Variants in RAP1B observed in about 807,000 individuals in gnomAD.
RAP1B encodes the protein RAP1B, member of RAS oncogene family.
Under a neutral mutation model 27.5 loss-of-function variants are expected in RAP1B, and 1 was observed. The observed-to-expected ratio is 0.04, with a 90% confidence interval of 0.01 to 0.17. The LOEUF is 0.17. Ranked by LOEUF, RAP1B falls within the 10% of genes least tolerant of loss-of-function variation. The pLI, the probability that RAP1B is intolerant of heterozygous loss-of-function variation, is 1.00. For missense variants in RAP1B, 84 were observed against 214.8 expected (o/e 0.39, Z 3.81); for synonymous variants, 75 against 73.1 (o/e 1.03, Z -0.13).
At chr12:68,622,177 A>G (rs941197652) in intron 1 of RAP1B, among the ~76,000 whole-genome samples, 5 of 152,180 alleles carry the variant, frequency 3.3e-5, no homozygotes, top group Admixed American at 3.3e-4. Flanking sequence ...AGAAAGTTGG[A>G]CTAAATGGCT....
At chr12:68,614,260 C>G (rs1410662006) in intron 1 of RAP1B, among the ~76,000 whole-genome samples, 2 of 152,158 alleles carry the variant, frequency 1.3e-5, no homozygotes, top group Non-Finnish European at 2.9e-5. Context: ...ACCGATTTTA[C>G]AAGGTGTCCA....
At chr12:68,650,619 G>GTT in intron 3 of RAP1B, 151 bp downstream of exon 3, 13 of 710,904 alleles carry the variant, frequency 1.8e-5, no homozygotes, top group Non-Finnish European at 2.6e-5. Flanking sequence ...GCATTGCATA[G>GTT]TTACCAGTTT....
intron 6 of RAP1B, 144 bp from the exon 7 acceptor site, chr12:68,656,957 A>G: frequency 2.8e-6 from 2 of 722,926 alleles, no homozygotes; most frequent in South Asian, 3.9e-5. Flanking sequence ...CAGTTATAAC[A>G]CCTGATTTTA....
intron 1 of RAP1B, among the ~76,000 whole-genome samples, chr12:68,636,306 C>A (rs927567528): frequency 4.6e-5 from 7 of 152,168 alleles, no homozygotes; most frequent in African/African-American, 1.7e-4. Context: ...AGAAAGAAAT[C>A]AGGTTACAAA....
At chr12:68,645,250 T>C (rs1592455798) in intron 1 of RAP1B, among the ~76,000 whole-genome samples, 2 of 152,304 alleles carry the variant, frequency 1.3e-5, no homozygotes. Context: ...GGAAGGAAAG[T>C]GAGGCTCTGA....
In RAP1B at chr12:68,619,875, AAT is replaced by A. The variant is rs1871273919; in HGVS notation, c.-27+8834_-27+8835del. Among the ~76,000 whole-genome samples, 3 of 152,296 alleles carry A rather than the reference AAT, an allele frequency of 2.0e-5. 1 individual carries two copies. The South Asian group carries it at 6.2e-4, about 32-fold the overall frequency. On this transcript the variant is annotated intron_variant, in intron 1 of 7. Coordinates refer to ENST00000250559, the MANE Select transcript of RAP1B (RefSeq NM_001010942.3). The stretch of plus-strand genomic sequence containing the variant: ...TTTTGGTCTTGGTAATGGATTAGAT[AAT>A]AGTTATTTTTAAGCCTATTTTTGGT...
At chr12:68,645,005 T>A (rs1286877708) in intron 1 of RAP1B, among the ~76,000 whole-genome samples, 2 of 152,154 alleles carry the variant, frequency 1.3e-5, no homozygotes, top group African/African-American at 4.8e-5. Flanking sequence ...GGCCTGAAAT[T>A]TATCTTTTGT....
At chr12:68,628,799 A>ACACT (rs1031970736) in intron 1 of RAP1B, among the ~76,000 whole-genome samples, 4 of 152,184 alleles carry the variant, frequency 2.6e-5, no homozygotes, top group Non-Finnish European at 4.4e-5. Flanking sequence ...TTTTACAGTT[A>ACACT]CACTAACCAC....
rs1874616359 is a variant in RAP1B at position 68,662,002 on chromosome 12, C to T, written c.*2753C>T. 1.8e-5 allele frequency: 2 copies of T among 114,154 alleles called. No individual in the cohort carries two copies. Among genetic ancestry groups the T allele is most frequent in the Admixed American group, 9.3e-5 (1 of 10,726 alleles). The allele number at this position is 114,154 out of a possible 1,614,324, so 7.1% of individuals were successfully genotyped here. ...GTGAAATGAATGCCAGTGCTATCCT[C>T]TAGGTCTATATATATATATATATAT... On this transcript the variant is annotated 3_prime_UTR_variant, in exon 8 of 8. Transcript: ENST00000250559.
Position 68,650,387 on chromosome 12 carries a change from A to ATT in RAP1B, c.58-5_58-4dup. 1.3e-6 allele frequency: 2 copies of ATT among 1,524,358 alleles called. No individual in the cohort carries two copies. The highest frequency in any genetic ancestry group is 2.2e-5 in the Admixed American group (1 of 46,424). The allele number at this position is 1,524,358 out of a possible 1,614,324, so 94.4% of individuals were successfully genotyped here. A position where few individuals can be genotyped will look rare whatever the true frequency, so the allele number is the denominator to read the frequency against. On this transcript the variant is annotated splice_polypyrimidine_tract_variant and intron_variant, in intron 2 of 7. Coordinates refer to ENST00000250559, the MANE Select transcript of RAP1B (RefSeq NM_001010942.3). ...TCTTTAGAAGTATAATGGTTTCTTA[A>ATT]TTTTTTTTTCAGACTGTACAATTTG...
intron 1 of RAP1B, among the ~76,000 whole-genome samples, chr12:68,617,887 C>A (rs926187299): frequency 2.6e-5 from 4 of 152,030 alleles, no homozygotes; most frequent in African/African-American, 9.7e-5. Flanking sequence ...CCTCAGCTCC[C>A]CAAGTAGCTG....
intron 1 of RAP1B, among the ~76,000 whole-genome samples, chr12:68,645,058 T>G (rs999307235): frequency 2.0e-5 from 3 of 152,236 alleles, no homozygotes; most frequent in African/African-American, 4.8e-5. Flanking sequence ...CTCTGAAGAA[T>G]TACTACATTT....
rs1874475542 is a variant in RAP1B at position 68,659,450 on chromosome 12, TTATATA to T, written c.*202_*207del. 2.7e-6 allele frequency: 1 copy of T among 367,686 alleles called. No individual in the cohort carries two copies. Among genetic ancestry groups the T allele is most frequent in the East Asian group, 7.3e-5 (1 of 13,656 alleles). 22.8% of individuals were successfully genotyped at this position (367,686 alleles called of 1,614,324 possible). A position where few individuals can be genotyped will look rare whatever the true frequency, so the allele number is the denominator to read the frequency against. ...CCAGTATCACAAGAGAGATTTTTAC[TTATATA>T]ATAGTCCTAGAGTTTGCAGCTGGTA... On this transcript the variant is annotated 3_prime_UTR_variant, in exon 8 of 8. Coordinates refer to ENST00000250559, the MANE Select transcript of RAP1B (RefSeq NM_001010942.3).
At chr12:68,612,880 T>A in intron 1 of RAP1B, among the ~76,000 whole-genome samples, 1 of 152,238 alleles carries the variant, frequency 6.6e-6, no homozygotes, top group East Asian at 1.9e-4. Context: ...GTGTTTTCAC[T>A]TGCATTTCCT....
At chr12:68,642,727 C>G in intron 1 of RAP1B, 1 of 1,083,302 alleles carries the variant, frequency 9.2e-7, no homozygotes, top group Non-Finnish European at 1.4e-6. Context: ...CTTCGGCATC[C>G]ACCTGCGCAG....
chr12:68,641,263 CTCTG>C (rs1872982765), intron 1 of RAP1B: 2 of 152,324 alleles, frequency 1.3e-5, no homozygotes, highest in Admixed American at 6.5e-5. Context: ...GTCTGCTTGT[CTCTG>C]TCTGCCAGAG....
At chr12:68,657,725 A>AACACACACACACACAC (rs61700927) in intron 7 of RAP1B, 14 of 126,226 alleles carry the variant, frequency 1.1e-4, no homozygotes, top group East Asian at 4.8e-4. Context: ...CCTAATTTAA[A>AACACACACACACACAC]ACACACACAC....
At chr12:68,612,462 AC>A (rs1870674195) in intron 1 of RAP1B, among the ~76,000 whole-genome samples, 1 of 152,202 alleles carries the variant, frequency 6.6e-6, no homozygotes, top group Admixed American at 6.5e-5. Context: ...ATCCAGTCCC[AC>A]CCTGTCATTT....
intron 1 of RAP1B, among the ~76,000 whole-genome samples, chr12:68,641,795 A>G (rs937441782): frequency 6.6e-6 from 1 of 151,838 alleles, no homozygotes; most frequent in Non-Finnish European, 1.5e-5. Context: ...TCAAAGGTAA[A>G]AAAAAAAAAC....
Sources: allele counts gnomAD v4.1 joint callset (sites outside exome capture counted in the v4.1 genomes callset), GRCh38; gene constraint gnomAD v4.1.1; transcripts MANE v1.5; gene names NCBI Gene and HGNC (gene_info 2026-07-23, HGNC 2026-07-21).